Variants in MACROD2 observed in about 807,000 individuals in gnomAD.
MACROD2 encodes mono-ADP ribosylhydrolase 2, also known as ADP-ribose glycohydrolase MACROD2.
A neutral mutation model predicts 70.4 loss-of-function variants in MACROD2; 36 were observed. The observed-to-expected ratio is 0.51, with a 90% confidence interval of 0.39 to 0.68. The LOEUF is 0.68. Among genes scored for constraint, MACROD2 ranks in the 30% least tolerant of loss-of-function variants. The pLI, the probability that MACROD2 is intolerant of heterozygous loss-of-function variation, is 0.00. For synonymous variants in MACROD2, 172 were observed against 178.8 expected (o/e 0.96, Z 0.30); for missense variants, 496 against 538.4 (o/e 0.92, Z 0.78).
At chr20:15,169,950 T>C (rs2076411604) in intron 5 of MACROD2, among the ~76,000 whole-genome samples, 1 of 152,200 alleles carries the variant, frequency 6.6e-6, no homozygotes, top group Admixed American at 6.5e-5. Flanking sequence ...TAATCTTCTT[T>C]GTTGGAATAC....
At position 15,452,321 on chromosome 20, in the gene MACROD2, G is replaced by C. The variant is rs2046654600; in HGVS notation, c.571+20886G>C. Among the ~76,000 whole-genome samples the C allele has an allele frequency of 4.6e-5, 7 of 152,106 alleles. No individual in the cohort carries two copies. In the South Asian group the frequency reaches 1.4e-3, roughly 31 times the overall value. On this transcript the variant is annotated intron_variant, in intron 7 of 17. Transcript: ENST00000684519. The stretch of plus-strand genomic sequence containing the variant: ...GTGTGTCACAGCCTATAGCAAATTA[G>C]AAGATGGCAGGAAGATCCTGAGAGG...
intron 6 of MACROD2, among the ~76,000 whole-genome samples, chr20:15,287,301 C>T (rs543013884): frequency 7.2e-5 from 11 of 152,192 alleles, no homozygotes; most frequent in African/African-American, 2.6e-4. Context: ...TGACTGTGAA[C>T]AAAATGTAAA....
intron 7 of MACROD2, among the ~76,000 whole-genome samples, chr20:15,454,548 GTTTAGGTCTCA>G (rs1252722738): frequency 6.6e-6 from 1 of 151,924 alleles, no homozygotes; most frequent in African/African-American, 2.4e-5. Flanking sequence ...TCTTCTCTCT[GTTTAGGTCTCA>G]TTTACCCATC....
rs566146124 is a variant in MACROD2, at chr20:15,095,722, T to A, written c.419-134218T>A. On this transcript the variant is annotated intron_variant, in intron 5 of 17. Coordinates refer to ENST00000684519, the MANE Select transcript of MACROD2 (RefSeq NM_001351661.2). ...TTAGTAGAGATGGGGTTTTGCCGTG[T>A]TAGCCGGGATGGTCTCGATCTCCTG... Among the ~76,000 whole-genome samples the A allele has an allele frequency of 2.2e-4, 33 of 151,978 alleles. No homozygotes were observed. In the East Asian group the frequency reaches 6.5e-3, roughly 30 times the overall value.
At chr20:14,099,178 T>C (rs1000327606) in intron 3 of MACROD2, among the ~76,000 whole-genome samples, 1 of 151,868 alleles carries the variant, frequency 6.6e-6, no homozygotes, top group African/African-American at 2.4e-5. Context: ...CTCAGGAGGC[T>C]GAGGCAGGAG....
At chr20:14,517,516 A>C (rs1363393083) in intron 4 of MACROD2, among the ~76,000 whole-genome samples, 1 of 152,098 alleles carries the variant, frequency 6.6e-6, no homozygotes, top group Non-Finnish European at 1.5e-5. Context: ...GGAGGGGAAC[A>C]TCACACACCG....
rs73612387 is a variant in MACROD2 at position 15,036,026 on chromosome 20, G to A, written c.419-193914G>A. On this transcript the variant is annotated intron_variant, in intron 5 of 17. Coordinates refer to ENST00000684519, the MANE Select transcript of MACROD2 (RefSeq NM_001351661.2). ...TGGTCTGCCTACTTGAAACAGAGGA[G>A]CCAGAAATGAAGGGAAATAAAGCAC... Among the ~76,000 whole-genome samples the A allele has an allele frequency of 5.3e-5, 8 of 152,230 alleles. 1 individual carries two copies. The East Asian group carries it at 1.5e-3, about 29-fold the overall frequency.
At chr20:14,988,942 G>T (rs907974112) in intron 5 of MACROD2, among the ~76,000 whole-genome samples, 1 of 151,836 alleles carries the variant, frequency 6.6e-6, no homozygotes, top group African/African-American at 2.4e-5. Flanking sequence ...TTCACATGGG[G>T]TATATAAATA....
chr20:14,455,272 T>C (rs917925012), intron 3 of MACROD2, among the ~76,000 whole-genome samples: 1 of 151,886 alleles, frequency 6.6e-6, no homozygotes, highest in Non-Finnish European at 1.5e-5. Flanking sequence ...CATTGTATTT[T>C]TGCAGATGTG....
chr20:14,125,055 AG>A (rs1412230537), intron 3 of MACROD2, among the ~76,000 whole-genome samples: 1 of 152,178 alleles, frequency 6.6e-6, no homozygotes, highest in Non-Finnish European at 1.5e-5. Context: ...CAGACACAAA[AG>A]GTTACATATT....
At position 13,995,876 on chromosome 20, in the gene MACROD2, G is replaced by C; in HGVS notation, c.46+67G>C. 6.6e-7 allele frequency: 1 copy of C among 1,508,412 alleles called. No individual in the cohort carries two copies. Among genetic ancestry groups the C allele is most frequent in the Admixed American group, 2.0e-5 (1 of 50,794 alleles). 93.4% of individuals were successfully genotyped at this position (1,508,412 alleles called of 1,614,324 possible). ...TTAGGGTGGGGGCGGGGGTCAGGCT[G>C]TGTGTGCCGCGGCGCCCTCCGCCCG... is the stretch of plus-strand genomic sequence containing the variant. On this transcript the variant is annotated intron_variant, in intron 1 of 17. Transcript: ENST00000684519. This position sits in a 1 kb window ranked among gnomAD's most constrained non-coding sequence, Gnocchi z 4.3.
intron 7 of MACROD2, among the ~76,000 whole-genome samples, chr20:15,455,183 T>A (rs529457121): frequency 5.9e-5 from 9 of 152,258 alleles, no homozygotes; most frequent in African/African-American, 1.7e-4. Flanking sequence ...GTGCAGGCAG[T>A]AGAGAAGTAT....
chr20:15,315,920 A>T (rs1443586979), intron 6 of MACROD2, among the ~76,000 whole-genome samples: 1 of 152,192 alleles, frequency 6.6e-6, no homozygotes, highest in Non-Finnish European at 1.5e-5. Context: ...AACAATAACA[A>T]CATAAAGCAG....
intron 5 of MACROD2, among the ~76,000 whole-genome samples, chr20:15,133,548 G>A (rs200686158): frequency 1.3e-5 from 2 of 152,090 alleles, no homozygotes; most frequent in African/African-American, 4.8e-5. Context: ...TATTGATAAA[G>A]GACTCTCAAT....
intron 8 of MACROD2, among the ~76,000 whole-genome samples, chr20:15,845,032 C>G (rs1378190367): frequency 6.6e-6 from 1 of 152,120 alleles, no homozygotes; most frequent in Non-Finnish European, 1.5e-5. Flanking sequence ...ACATCATACT[C>G]TAGTCAGCTA....
intron 5 of MACROD2, among the ~76,000 whole-genome samples, chr20:15,191,071 G>A (rs77139846): frequency 6.6e-6 from 1 of 152,158 alleles, no homozygotes; most frequent in Non-Finnish European, 1.5e-5. Context: ...TTAATCCAGG[G>A]CACATATAGT....
chr20:14,905,086 A>G (rs1307760993), intron 5 of MACROD2: 1 of 152,174 alleles, frequency 6.6e-6, no homozygotes, highest in Admixed American at 6.5e-5. Context: ...CCACCTGATT[A>G]TGAGAACTCT....
At chr20:15,546,364 G>T (rs1226482561) in intron 8 of MACROD2, among the ~76,000 whole-genome samples, 1 of 152,118 alleles carries the variant, frequency 6.6e-6, no homozygotes, top group Non-Finnish European at 1.5e-5. Context: ...AACAACCCCA[G>T]CAAGTTTCTC....
intron 8 of MACROD2, among the ~76,000 whole-genome samples, chr20:15,510,628 G>T (rs2047486437): frequency 1.3e-5 from 2 of 152,212 alleles, no homozygotes; most frequent in South Asian, 4.1e-4. Flanking sequence ...CCTCTGGAAA[G>T]ACTAGACTCC....
Sources: gnomAD v4.1 joint callset for allele counts (sites outside exome capture counted in the v4.1 genomes callset) on GRCh38, gnomAD v4.1.1 for gene constraint, Gnocchi (gnomAD v3.1) non-coding constraint, MANE v1.5 for transcripts, NCBI Gene and HGNC (gene_info 2026-07-23, HGNC 2026-07-21) for gene names.